Variants in CDH12 observed in about 807,000 individuals in gnomAD.
CDH12 encodes cadherin-12.
In CDH12, 41 loss-of-function variants were observed where a neutral mutation model predicts 74.1. The ratio of observed to expected loss-of-function variants is 0.55; its 90% CI spans 0.43 to 0.72. CDH12 has a LOEUF of 0.72. CDH12 is among the 30% of genes least tolerant of loss of function. The pLI, the probability that CDH12 is intolerant of heterozygous loss-of-function variation, is 0.00. For synonymous variants in CDH12, 399 were observed against 355.0 expected (o/e 1.12, Z -1.39); for missense variants, 945 against 977.2 (o/e 0.97, Z 0.44).
intron 3 of CDH12, among the ~76,000 whole-genome samples, chr5:22,266,416 T>G (rs966690648): frequency 1.3e-5 from 2 of 152,150 alleles, no homozygotes; most frequent in Non-Finnish European, 2.9e-5. Flanking sequence ...CTATTGTTTT[T>G]TATCTGGAAG....
intron 6 of CDH12, among the ~76,000 whole-genome samples, chr5:21,898,499 G>C (rs1753228530): frequency 6.6e-6 from 1 of 151,944 alleles, no homozygotes; most frequent in Admixed American, 6.6e-5. Context: ...TCAGGAGATC[G>C]AGACCATCCT....
At chr5:22,519,042 T>A (rs571976362) in intron 1 of CDH12, among the ~76,000 whole-genome samples, 1 of 152,192 alleles carries the variant, frequency 6.6e-6, no homozygotes, top group Admixed American at 6.5e-5. Context: ...TGCCAACTCA[T>A]CCATGCCACC....
chr5:22,185,239 C>T (rs1476210807), intron 4 of CDH12, among the ~76,000 whole-genome samples: 15 of 140,678 alleles, frequency 1.1e-4, no homozygotes, highest in Non-Finnish European at 2.0e-4. Flanking sequence ...ACTTTTGTTG[C>T]TCAGGCTGGC....
intron 1 of CDH12, among the ~76,000 whole-genome samples, chr5:22,617,354 T>C (rs1737743337): frequency 6.6e-6 from 1 of 152,070 alleles, no homozygotes; most frequent in Admixed American, 6.6e-5. Context: ...TTGTTTACAG[T>C]GACCCAATCT....
At position 22,486,576 on chromosome 5, in the gene CDH12, C is replaced by T. The variant is rs143657983; in HGVS notation, c.-428+18694G>A. Among the ~76,000 whole-genome samples the T allele has an allele frequency of 4.0e-3, 598 of 151,186 alleles. 6 individuals carry two copies. The highest frequency in any genetic ancestry group is 3.4e-3 in the Middle Eastern group (1 of 290). ...AAGCGATTCTCCTGCCTCAGCCTCCCGAGTAGCTGGAATTACAGGTATGTG... is the reference window on the plus strand; with the variant it reads ...AAGCGATTCTCCTGCCTCAGCCTCCTGAGTAGCTGGAATTACAGGTATGTG... On this transcript the variant is annotated intron_variant, in intron 2 of 14. Coordinates refer to ENST00000382254, the MANE Select transcript of CDH12 (RefSeq NM_004061.5).
chr5:22,185,181 C>T (rs1284499436), intron 4 of CDH12, among the ~76,000 whole-genome samples: 2 of 150,344 alleles, frequency 1.3e-5, no homozygotes, highest in East Asian at 4.0e-4. Flanking sequence ...AAACAGAGTC[C>T]TCCTTCTCTC....
At chr5:22,625,518 T>A (rs999706885) in intron 1 of CDH12, among the ~76,000 whole-genome samples, 1 of 152,096 alleles carries the variant, frequency 6.6e-6, no homozygotes, top group Non-Finnish European at 1.5e-5. Context: ...AGAATTTGGT[T>A]CAGGAAGGGT....
rs183718590 is a variant in CDH12, at chr5:21,936,141, A to G, written c.526+38950T>C. 6.9e-3 allele frequency among the ~76,000 whole-genome samples: 1,055 copies of G among 152,084 alleles called. 10 individuals carry two copies. Among genetic ancestry groups the G allele is most frequent in the African/African-American group, 0.024 (985 of 41,480 alleles). On this transcript the variant is annotated intron_variant, in intron 6 of 14. Coordinates refer to ENST00000382254, the MANE Select transcript of CDH12 (RefSeq NM_004061.5). ...GGATTGCTGGATCATATGATAGCTCAATTTTTGCTTTTTGAGAAACCTCCA... is the reference window on the plus strand; with the variant it reads ...GGATTGCTGGATCATATGATAGCTCGATTTTTGCTTTTTGAGAAACCTCCA...
chr5:21,999,486 T>G (rs988269153), intron 5 of CDH12, among the ~76,000 whole-genome samples: 1 of 152,190 alleles, frequency 6.6e-6, no homozygotes, highest in African/African-American at 2.4e-5. Context: ...ACAAGAAATA[T>G]GATTTGATCT....
intron 5 of CDH12, among the ~76,000 whole-genome samples, chr5:22,069,213 C>T (rs1023247670): frequency 2.6e-5 from 4 of 152,086 alleles, no homozygotes; most frequent in African/African-American, 9.7e-5. Flanking sequence ...CAGTAATGAA[C>T]CCATGCTCAT....
chr5:21,841,700 C>T (rs1020909863), intron 8 of CDH12, among the ~76,000 whole-genome samples: 6 of 151,974 alleles, frequency 3.9e-5, no homozygotes, highest in Non-Finnish European at 7.4e-5. Flanking sequence ...GAGTTCATGT[C>T]CTTTGTCGGG....
chr5:22,517,575 C>T (rs1736862233), intron 1 of CDH12, among the ~76,000 whole-genome samples: 1 of 152,108 alleles, frequency 6.6e-6, no homozygotes, highest in African/African-American at 2.4e-5. Flanking sequence ...AAAATTAAAA[C>T]CTTTCTTTTA....
At chr5:22,175,439 T>C (rs1749276116) in intron 4 of CDH12, among the ~76,000 whole-genome samples, 2 of 151,990 alleles carry the variant, frequency 1.3e-5, no homozygotes, top group South Asian at 2.1e-4. Context: ...AGAAAGCTAA[T>C]ATAAATCTAT....
At chr5:22,039,785 C>A (rs898649691) in intron 5 of CDH12, among the ~76,000 whole-genome samples, 1 of 151,894 alleles carries the variant, frequency 6.6e-6, no homozygotes, top group Non-Finnish European at 1.5e-5. Flanking sequence ...AGTCACCATG[C>A]CCTTTCCAAC....
At chr5:22,422,641 C>A (rs562421410) in intron 2 of CDH12, among the ~76,000 whole-genome samples, 30 of 152,106 alleles carry the variant, frequency 2.0e-4, no homozygotes, top group East Asian at 7.7e-4. Flanking sequence ...TATTGAGAAC[C>A]TGGCAAGCTT....
intron 1 of CDH12, among the ~76,000 whole-genome samples, chr5:22,796,823 ATTT>A (rs1348569926): frequency 4.6e-5 from 7 of 151,992 alleles, no homozygotes; most frequent in Non-Finnish European, 1.0e-4. Flanking sequence ...CCCGGCCCAG[ATTT>A]TTTATCTTAA....
intron 6 of CDH12, among the ~76,000 whole-genome samples, chr5:21,916,445 C>A (rs972706058): frequency 1.3e-5 from 2 of 152,054 alleles, no homozygotes; most frequent in African/African-American, 2.4e-5. Flanking sequence ...TTCAGCAGAT[C>A]AAATGAATCT....
chr5:22,764,752 A>G (rs1374996085), intron 1 of CDH12, among the ~76,000 whole-genome samples: 1 of 152,042 alleles, frequency 6.6e-6, no homozygotes, highest in Non-Finnish European at 1.5e-5. Context: ...CCTGCGCAAA[A>G]TGACTAACCT....
intron 2 of CDH12, among the ~76,000 whole-genome samples, chr5:22,424,987 A>G: frequency 6.6e-6 from 1 of 151,022 alleles, no homozygotes; most frequent in East Asian, 1.9e-4. Context: ...TTAAATTTAA[A>G]ATAGGTATTT....
Sources: gnomAD v4.1 joint callset for allele counts (sites outside exome capture counted in the v4.1 genomes callset) on GRCh38, gnomAD v4.1.1 for gene constraint, MANE v1.5 for transcripts, NCBI Gene and HGNC (gene_info 2026-07-23, HGNC 2026-07-21) for gene names.